Variants in CNR2 observed in about 807,000 individuals in gnomAD.
The protein encoded by CNR2 is cannabinoid receptor 2.
For synonymous variants in CNR2, 172 were observed against 182.2 expected (o/e 0.94, Z 0.45); for missense variants, 379 against 439.9 (o/e 0.86, Z 1.24).
At chr1:23,878,617 G>C (rs1021365670) in intron 1 of CNR2, among the ~76,000 whole-genome samples, 3 of 152,170 alleles carry the variant, frequency 2.0e-5, no homozygotes, top group Non-Finnish European at 2.9e-5. Context: ...GGCCTCAGGT[G>C]ATATGCCCAC....
intron 1 of CNR2, among the ~76,000 whole-genome samples, chr1:23,892,010 C>T (rs994110708): frequency 1.3e-5 from 2 of 152,196 alleles, no homozygotes; most frequent in Non-Finnish European, 2.9e-5. Flanking sequence ...TCCCACTCCT[C>T]AATCCCAAGC....
chr1:23,910,137 T>TC (rs1226413095), intron 1 of CNR2, among the ~76,000 whole-genome samples: 3 of 148,000 alleles, frequency 2.0e-5, no homozygotes, highest in Non-Finnish European at 4.5e-5. Context: ...TTTTTTTTTT[T>TC]TTTTGTAGAG....
At chr1:23,878,444 ATT>A (rs34398263) in intron 1 of CNR2, among the ~76,000 whole-genome samples, 1 of 149,698 alleles carries the variant, frequency 6.7e-6, no homozygotes. Flanking sequence ...CCAAAGCAGA[ATT>A]TTTTTTTTTT....
intron 1 of CNR2, among the ~76,000 whole-genome samples, chr1:23,881,463 C>A (rs573051178): frequency 2.0e-5 from 3 of 150,372 alleles, no homozygotes; most frequent in Admixed American, 6.6e-5. Context: ...CCTGGTGGTG[C>A]ACACCTGTAA....
intron 1 of CNR2, among the ~76,000 whole-genome samples, chr1:23,891,660 A>G (rs968429214): frequency 2.1e-5 from 3 of 146,016 alleles, no homozygotes; most frequent in African/African-American, 7.5e-5. Context: ...ACCTCTTTTT[A>G]TAACTACTTT....
intron 1 of CNR2, among the ~76,000 whole-genome samples, chr1:23,900,752 C>T (rs1482344925): frequency 1.3e-5 from 2 of 151,852 alleles, no homozygotes; most frequent in South Asian, 2.1e-4. Context: ...GTGAACCGCC[C>T]GCCTTGGCCT....
At chr1:23,881,401 A>T (rs55915634) in intron 1 of CNR2, among the ~76,000 whole-genome samples, 1,810 of 151,700 alleles carry the variant, frequency 0.012, 41 homozygotes, top group African/African-American at 0.041. Context: ...GTTTGAGACC[A>T]GCCTGTCTCT....
chr1:23,908,169 C>T lies in CNR2; in HGVS notation c.-46+5077G>A, dbSNP rs138086387. Among the ~76,000 whole-genome samples, 711 of 151,820 alleles carry T rather than the reference C, an allele frequency of 4.7e-3. 3 individuals carry two copies. The highest frequency in any genetic ancestry group is 0.011 in the Admixed American group (161 of 15,234). On this transcript the variant is annotated intron_variant, in intron 1 of 1. Coordinates refer to ENST00000374472, the MANE Select transcript of CNR2 (RefSeq NM_001841.3). Reference sequence around the variant, plus strand: ...CTAATTTTTGTATTTTTAGTAGAGACGGGGTTTCACCATGTTGGCCAGCAT... The same window carrying T: ...CTAATTTTTGTATTTTTAGTAGAGATGGGGTTTCACCATGTTGGCCAGCAT...
At chr1:23,886,049 G>A (rs958577794) in intron 1 of CNR2, among the ~76,000 whole-genome samples, 1 of 151,312 alleles carries the variant, frequency 6.6e-6, no homozygotes, top group Non-Finnish European at 1.5e-5. Context: ...TTAGCTGGGT[G>A]TGGTGGCGCA....
intron 1 of CNR2, among the ~76,000 whole-genome samples, chr1:23,898,335 C>CCAATG (rs1230917304): frequency 9.2e-6 from 1 of 108,226 alleles, no homozygotes. Context: ...CCGCGCCCGG[C>CCAATG]TTTTTTTTTT....
intron 1 of CNR2, among the ~76,000 whole-genome samples, chr1:23,877,699 C>T (rs6424120): frequency 0.63 from 96,094 of 151,772 alleles, 30,818 homozygotes; most frequent in African/African-American, 0.75. Flanking sequence ...CAGTGGCTCA[C>T]GCCTGTAATC....
chr1:23,875,567 CA>C lies in CNR2; in HGVS notation c.50del (p.Leu17TrpfsTer6), dbSNP rs1639860647. The C allele has an allele frequency of 6.2e-7, 1 of 1,612,994 alleles. No individual in the cohort carries two copies. The highest frequency in any genetic ancestry group is 8.5e-7 in the Non-Finnish European group (1 of 1,179,266). ...TGTAATCCTTCATAGGGTTGGAATC[CA>C]AGCCATCCTTGGAGCCATTGGCTAT... The part of the protein sequence containing the change: ...TEIANGSKDG[L>X]DSNPMKDYMI... On this transcript the variant is annotated frameshift_variant, in exon 2 of 2. Coordinates refer to ENST00000374472, the MANE Select transcript of CNR2 (RefSeq NM_001841.3). LOFTEE classifies it high-confidence loss of function.
chr1:23,893,705 G>T (rs1640230166), intron 1 of CNR2, among the ~76,000 whole-genome samples: 1 of 152,182 alleles, frequency 6.6e-6, no homozygotes, highest in Non-Finnish European at 1.5e-5. Flanking sequence ...GGATAACGAT[G>T]AGTGCTTGGC....
At chr1:23,904,526 A>G (rs4259582) in intron 1 of CNR2, among the ~76,000 whole-genome samples, 133,954 of 152,128 alleles carry the variant, frequency 0.88, 61,323 homozygotes, top group East Asian at 1. Context: ...CTTTCAAAGA[A>G]AGTCTACTAC....
intron 1 of CNR2, among the ~76,000 whole-genome samples, chr1:23,881,454 C>T (rs189013854): frequency 6.7e-6 from 1 of 149,970 alleles, no homozygotes; most frequent in African/African-American, 2.5e-5. Context: ...TTAACCAGGC[C>T]TGGTGGTGCA....
At chr1:23,900,401 C>T (rs1266125752) in intron 1 of CNR2, among the ~76,000 whole-genome samples, 6 of 151,980 alleles carry the variant, frequency 3.9e-5, no homozygotes, top group African/African-American at 4.8e-5. Flanking sequence ...CTTGATGAAT[C>T]GGCTCTGTCT....
At position 23,874,825 on chromosome 1, in the gene CNR2, T is replaced by C. The variant is rs1639837973; in HGVS notation, c.793A>G (p.Met265Val). ...AGCGTAGTGGCCAGGCTGTGGGCCA[T>C]GAGGGCCAGCACTGGGAACCAACAG... ...LICWFPVLAL[M>V]AHSLATTLSD... Residue 265 changes from methionine to valine, a missense_variant, in exon 2 of 2, where the codon ATG becomes GTG. Met to Val is a conservative substitution (Grantham distance 21, BLOSUM62 1). Transcript: ENST00000374472. 1.2e-6 allele frequency: 2 copies of C among 1,614,064 alleles called. No homozygotes were observed. The highest frequency in any genetic ancestry group is 2.7e-5 in the African/African-American group (2 of 74,930).
intron 1 of CNR2, among the ~76,000 whole-genome samples, chr1:23,887,567 A>G (rs758308519): frequency 1.3e-5 from 2 of 152,150 alleles, no homozygotes; most frequent in Non-Finnish European, 2.9e-5. Context: ...GCATCTGACA[A>G]TGGGACACAC....
intron 1 of CNR2, among the ~76,000 whole-genome samples, chr1:23,879,208 T>A (rs962639627): frequency 6.6e-6 from 1 of 151,880 alleles, no homozygotes; most frequent in Non-Finnish European, 1.5e-5. Context: ...GCAGGAGAAT[T>A]GCTTGAACCT....
Sources: allele counts gnomAD v4.1 joint callset (sites outside exome capture counted in the v4.1 genomes callset), GRCh38; gene constraint gnomAD v4.1.1; transcripts MANE v1.5; gene names NCBI Gene and HGNC (gene_info 2026-07-23, HGNC 2026-07-21).